ARHGEF3: variants seen among roughly 807,000 people sequenced by gnomAD.
ARHGEF3 encodes the protein 59.8 kDA protein.
Under a neutral mutation model 63.2 loss-of-function variants are expected in ARHGEF3, and 28 were observed. The ratio of observed to expected loss-of-function variants is 0.44; its 90% CI spans 0.33 to 0.61. The LOEUF (loss-of-function observed/expected upper bound fraction) is 0.61. Among genes scored for constraint, ARHGEF3 ranks in the 20% least tolerant of loss-of-function variants. The pLI, the probability that ARHGEF3 is intolerant of heterozygous loss-of-function variation, is 0.03. For synonymous variants in ARHGEF3, 266 were observed against 254.2 expected (o/e 1.05, Z -0.44); for missense variants, 533 against 659.3 (o/e 0.81, Z 2.10).
chr3:56,796,674 T>C (rs1022790907), intron 1 of ARHGEF3, among the ~76,000 whole-genome samples: 3 of 152,020 alleles, frequency 2.0e-5, no homozygotes, highest in African/African-American at 7.2e-5. Context: ...ATCCTTCACG[T>C]GTTATGAGGT....
At chr3:57,008,501 G>C (rs1702557024) in intron 2 of ARHGEF3, among the ~76,000 whole-genome samples, 1 of 150,764 alleles carries the variant, frequency 6.6e-6, no homozygotes, top group Admixed American at 6.6e-5. Flanking sequence ...TTTTGAGACA[G>C]AGACTCACTC....
chr3:57,008,473 C>T (rs551574231), intron 2 of ARHGEF3, among the ~76,000 whole-genome samples: 4 of 146,452 alleles, frequency 2.7e-5, no homozygotes, highest in South Asian at 2.2e-4. Flanking sequence ...CTGGATTCCA[C>T]GGACAAGCCT....
At chr3:56,766,989 G>C (rs539129588) in intron 2 of ARHGEF3, among the ~76,000 whole-genome samples, 50 of 152,242 alleles carry the variant, frequency 3.3e-4, no homozygotes, top group African/African-American at 1.2e-3. Flanking sequence ...ACATTCTTTT[G>C]ATGAAATGCT....
intron 4 of ARHGEF3, among the ~76,000 whole-genome samples, chr3:56,838,081 C>A (rs1296648098): frequency 1.3e-5 from 2 of 152,020 alleles, no homozygotes; most frequent in Non-Finnish European, 2.9e-5. Flanking sequence ...AAAATAAAAA[C>A]AATGTAAATA....
chr3:56,893,059 A>G (rs921209718), intron 3 of ARHGEF3, among the ~76,000 whole-genome samples: 6 of 152,380 alleles, frequency 3.9e-5, no homozygotes, highest in African/African-American at 1.2e-4. Context: ...GTTCCCTTGT[A>G]CAACCATTTG....
At chr3:56,896,789 A>AT (rs1011567647) in intron 3 of ARHGEF3, among the ~76,000 whole-genome samples, 2 of 152,134 alleles carry the variant, frequency 1.3e-5, no homozygotes, top group Non-Finnish European at 2.9e-5. Flanking sequence ...CATGTGGTGT[A>AT]TTTTTCACAG....
At position 56,888,880 on chromosome 3, in the gene ARHGEF3, G is replaced by A. The variant is rs149183512; in HGVS notation, c.130-6526C>T. ...ATCGCACCATTGCACTCCAGCCTGGGCAATAAGAACGAAACTCCATCTCAA... is the reference window on the plus strand; with the variant it reads ...ATCGCACCATTGCACTCCAGCCTGGACAATAAGAACGAAACTCCATCTCAA... On this transcript the variant is annotated intron_variant, in intron 3 of 12. Transcript: ENST00000338458. 2.1e-3 allele frequency among the ~76,000 whole-genome samples: 319 copies of A among 151,648 alleles called. 1 individual carries two copies. The highest frequency in any genetic ancestry group is 7.5e-3 in the African/African-American group (308 of 41,238).
At chr3:56,829,163 T>C (rs1439734894) in intron 4 of ARHGEF3, among the ~76,000 whole-genome samples, 1 of 152,074 alleles carries the variant, frequency 6.6e-6, no homozygotes, top group Non-Finnish European at 1.5e-5. Flanking sequence ...TGACCTCAAG[T>C]GATCTTCCCA....
intron 3 of ARHGEF3, among the ~76,000 whole-genome samples, chr3:56,946,639 T>C (rs1560073964): frequency 2.0e-5 from 3 of 152,210 alleles, no homozygotes; most frequent in South Asian, 2.1e-4. Context: ...AAAAGACCAA[T>C]TCTACGTCTG....
chr3:56,883,307 T>C (rs997875957), intron 3 of ARHGEF3, among the ~76,000 whole-genome samples: 1 of 151,912 alleles, frequency 6.6e-6, no homozygotes, highest in Non-Finnish European at 1.5e-5. Context: ...TTTTTCTTTT[T>C]TTTTTTTTTT....
intron 1 of ARHGEF3, among the ~76,000 whole-genome samples, chr3:57,050,744 C>T (rs1027327209): frequency 4.6e-5 from 7 of 152,240 alleles, no homozygotes; most frequent in Admixed American, 1.3e-4. Flanking sequence ...GCTGTGGAGA[C>T]TCTTGAAAGC....
chr3:57,002,479 T>TTATATATATATATATGTTTTA, intron 2 of ARHGEF3, among the ~76,000 whole-genome samples: 1 of 39,466 alleles, frequency 2.5e-5, no homozygotes, highest in East Asian at 7.8e-4. Context: ...TATATATATG[T>TTATATATATATATATGTTTTA]TATATATATA....
chr3:56,892,491 G>A lies in ARHGEF3; in HGVS notation c.130-10137C>T, dbSNP rs144549834. ...GTGCTTCCTTGGCCCTCCTTTATAT[G>A]TTTATTCACTTATTTTTTAAACACT... On this transcript the variant is annotated intron_variant, in intron 3 of 12. Transcript: ENST00000338458. 4.6e-5 allele frequency among the ~76,000 whole-genome samples: 7 copies of A among 152,170 alleles called. No individual in the cohort carries two copies. The East Asian group carries it at 1.4e-3, about 29-fold the overall frequency.
chr3:56,924,385 G>A (rs1466915391), intron 3 of ARHGEF3, among the ~76,000 whole-genome samples: 2 of 152,200 alleles, frequency 1.3e-5, no homozygotes, highest in Non-Finnish European at 1.5e-5. Flanking sequence ...CTTACTCCAT[G>A]AGTCTCTGTG....
chr3:56,826,015 G>T (rs1010979945), intron 4 of ARHGEF3, among the ~76,000 whole-genome samples: 6 of 152,160 alleles, frequency 3.9e-5, no homozygotes, highest in Admixed American at 1.3e-4. Flanking sequence ...TGAGAACCAG[G>T]CTTGGGATTT....
chr3:56,871,443 C>T (rs962360725), intron 4 of ARHGEF3, among the ~76,000 whole-genome samples: 2 of 151,052 alleles, frequency 1.3e-5, no homozygotes, highest in African/African-American at 4.9e-5. Flanking sequence ...CATTAAAAAA[C>T]TAAAAACTAA....
At chr3:56,961,474 AAAGCAT>A (rs76336711) in intron 2 of ARHGEF3, among the ~76,000 whole-genome samples, 4,332 of 152,252 alleles carry the variant, frequency 0.028, 80 homozygotes, top group Non-Finnish European at 0.043. Context: ...CAAACAGGGC[AAAGCAT>A]ACCCCTGAAA....
intron 2 of ARHGEF3, among the ~76,000 whole-genome samples, chr3:56,758,821 AG>A (rs1183725632): frequency 2.0e-5 from 3 of 152,236 alleles, no homozygotes; most frequent in Non-Finnish European, 4.4e-5. Flanking sequence ...TGAGTCATTA[AG>A]TAACTTGCTC....
chr3:56,963,318 C>A (rs1156644794), intron 2 of ARHGEF3, among the ~76,000 whole-genome samples: 1 of 152,074 alleles, frequency 6.6e-6, no homozygotes, highest in African/African-American at 2.4e-5. Context: ...TGTTAGTTAC[C>A]ATTATCATTG....
Sources: allele counts gnomAD v4.1 joint callset (sites outside exome capture counted in the v4.1 genomes callset), GRCh38; gene constraint gnomAD v4.1.1; transcripts MANE v1.5; gene names NCBI Gene and HGNC (gene_info 2026-07-23, HGNC 2026-07-21).